The following CAMK4 variants were observed in gnomAD, a reference collection of about 807,000 sequenced individuals.
CAMK4 encodes the protein calcium/calmodulin-dependent protein kinase type IV.
A neutral mutation model predicts 44.9 loss-of-function variants in CAMK4; 22 were observed. The observed-to-expected ratio is 0.49, with a 90% confidence interval of 0.35 to 0.70. CAMK4 has a LOEUF of 0.70. CAMK4 is among the 30% of genes least tolerant of loss of function. The pLI is 0.01. For missense variants in CAMK4, 498 were observed against 586.8 expected (o/e 0.85, Z 1.56); for synonymous variants, 218 against 215.4 (o/e 1.01, Z -0.11).
intron 1 of CAMK4, among the ~76,000 whole-genome samples, chr5:111,236,685 G>A (rs919813951): frequency 6.6e-6 from 1 of 152,134 alleles, no homozygotes; most frequent in Non-Finnish European, 1.5e-5. Flanking sequence ...TCCACCTCAG[G>A]TAGAAAGTTT....
chr5:111,335,160 A>C (rs71579146), intron 1 of CAMK4, among the ~76,000 whole-genome samples: 1 of 151,528 alleles, frequency 6.6e-6, no homozygotes, highest in Non-Finnish European at 1.5e-5. Context: ...CTTGATGGCA[A>C]GGGAAGTCAA....
intron 7 of CAMK4, among the ~76,000 whole-genome samples, chr5:111,462,544 C>T (rs968157000): frequency 6.6e-6 from 1 of 152,150 alleles, no homozygotes; most frequent in Non-Finnish European, 1.5e-5. Flanking sequence ...TAGTCTCCCT[C>T]AAATTTTTTC....
intron 1 of CAMK4, among the ~76,000 whole-genome samples, chr5:111,272,034 A>G (rs762337451): frequency 2.0e-4 from 31 of 152,006 alleles, no homozygotes; most frequent in Non-Finnish European, 4.3e-4. Flanking sequence ...AGCATGGAAT[A>G]TATCTTTTTT....
In CAMK4 at chr5:111,485,159, A is replaced by C. The variant is rs956406173; in HGVS notation, c.*693A>C. 1.3e-5 allele frequency: 2 copies of C among 152,210 alleles called. No homozygotes were observed. Among genetic ancestry groups the C allele is most frequent in the Non-Finnish European group, 2.9e-5 (2 of 68,030 alleles). 9.4% of individuals were successfully genotyped at this position (152,210 alleles called of 1,614,324 possible). Reference sequence around the variant, plus strand: ...TTTACAACCCTGGAGGAAGTAATTTACAAACTCACGCTGAGTTCCATTCTT... The same window carrying C: ...TTTACAACCCTGGAGGAAGTAATTTCCAAACTCACGCTGAGTTCCATTCTT... On this transcript the variant is annotated 3_prime_UTR_variant, in exon 11 of 11. Transcript: ENST00000282356.
At chr5:111,247,649 A>G (rs887307879) in intron 1 of CAMK4, among the ~76,000 whole-genome samples, 1 of 152,076 alleles carries the variant, frequency 6.6e-6, no homozygotes, top group Non-Finnish European at 1.5e-5. Context: ...TTGAGGTAGA[A>G]TTTCCCTTTC....
At chr5:111,402,179 A>C (rs1389587010) in intron 5 of CAMK4, among the ~76,000 whole-genome samples, 1 of 152,218 alleles carries the variant, frequency 6.6e-6, no homozygotes, top group African/African-American at 2.4e-5. Flanking sequence ...TCTCTCCCTC[A>C]TGCCCTCTCG....
intron 1 of CAMK4, among the ~76,000 whole-genome samples, chr5:111,225,081 G>A (rs1001034988): frequency 6.6e-6 from 1 of 152,136 alleles, no homozygotes; most frequent in East Asian, 1.9e-4. Context: ...CCTTCCCCTC[G>A]TCAAGCTCTC....
intron 1 of CAMK4, among the ~76,000 whole-genome samples, chr5:111,239,808 C>G (rs888775223): frequency 6.6e-6 from 1 of 152,196 alleles, no homozygotes; most frequent in African/African-American, 2.4e-5. Flanking sequence ...CACACTTTCT[C>G]AAAAATGTCA....
At chr5:111,261,362 C>T (rs985129227) in intron 1 of CAMK4, among the ~76,000 whole-genome samples, 3 of 152,188 alleles carry the variant, frequency 2.0e-5, no homozygotes, top group African/African-American at 7.2e-5. Flanking sequence ...AAGCGTAGCA[C>T]ACATTACCCA....
At chr5:111,462,074 C>G (rs988278839) in intron 7 of CAMK4, among the ~76,000 whole-genome samples, 3 of 152,186 alleles carry the variant, frequency 2.0e-5, no homozygotes, top group African/African-American at 7.2e-5. Context: ...CATGCTCCAG[C>G]CATGTTGGCT....
intron 1 of CAMK4, among the ~76,000 whole-genome samples, chr5:111,241,695 T>A (rs1748999688): frequency 1.3e-5 from 2 of 152,228 alleles, no homozygotes; most frequent in South Asian, 4.1e-4. Context: ...TGATAAATTC[T>A]TATATATATA....
intron 2 of CAMK4, among the ~76,000 whole-genome samples, chr5:111,364,386 A>G (rs1267848298): frequency 6.6e-6 from 1 of 152,128 alleles, no homozygotes; most frequent in Admixed American, 6.6e-5. Flanking sequence ...GGCATCAGCC[A>G]AATTCTTTGT....
At chr5:111,229,198 C>T (rs1258953265) in intron 1 of CAMK4, among the ~76,000 whole-genome samples, 2 of 152,178 alleles carry the variant, frequency 1.3e-5, no homozygotes. Context: ...ATGCATTTCT[C>T]ACAGCTCTGG....
At chr5:111,399,957 C>G (rs1344343855) in intron 5 of CAMK4, among the ~76,000 whole-genome samples, 8 of 152,118 alleles carry the variant, frequency 5.3e-5, no homozygotes, top group Admixed American at 5.2e-4. Flanking sequence ...GAATTTTCCA[C>G]CTGTTGGAGT....
chr5:111,279,351 G>C (rs1157843451), intron 1 of CAMK4, among the ~76,000 whole-genome samples: 1 of 152,124 alleles, frequency 6.6e-6, no homozygotes, highest in African/African-American at 2.4e-5. Flanking sequence ...TGTCATCATA[G>C]CAACACTGGG....
chr5:111,295,657 C>CTCTTTAATTCCAGAATATA (rs1747451798), intron 1 of CAMK4, among the ~76,000 whole-genome samples: 1 of 152,172 alleles, frequency 6.6e-6, no homozygotes, highest in South Asian at 2.1e-4. Flanking sequence ...TCTTCATTTA[C>CTCTTTAATTCCAGAATATA]TCTTTAATTC....
intron 2 of CAMK4, among the ~76,000 whole-genome samples, chr5:111,372,245 G>A (rs1199612167): frequency 1.3e-5 from 2 of 152,060 alleles, no homozygotes; most frequent in Non-Finnish European, 2.9e-5. Flanking sequence ...AAACAATAAC[G>A]GAGTCCTCAG....
chr5:111,341,527 A>T (rs1363194888), intron 1 of CAMK4, among the ~76,000 whole-genome samples: 3 of 151,158 alleles, frequency 2.0e-5, no homozygotes, highest in African/African-American at 4.8e-5. Context: ...GTGTAGGACT[A>T]TTTTTGGATC....
intron 8 of CAMK4, among the ~76,000 whole-genome samples, chr5:111,475,146 G>A (rs1176419555): frequency 6.6e-6 from 1 of 152,010 alleles, no homozygotes; most frequent in African/African-American, 2.4e-5. Flanking sequence ...CTGGGTGATA[G>A]AACTCCGACT....
Sources: gnomAD v4.1 joint callset for allele counts (sites outside exome capture counted in the v4.1 genomes callset) on GRCh38, gnomAD v4.1.1 for gene constraint, MANE v1.5 for transcripts, NCBI Gene and HGNC (gene_info 2026-07-23, HGNC 2026-07-21) for gene names.